The following CELA3B variants were observed in gnomAD, a reference collection of about 807,000 sequenced individuals.
The protein encoded by CELA3B is chymotrypsin-like elastase family member 3B.
In CELA3B, 34 loss-of-function variants were observed where a neutral mutation model predicts 37.2. The observed-to-expected ratio is 0.91, with a 90% confidence interval of 0.70 to 1.22. The LOEUF is 1.22. CELA3B is among the 50% of genes most tolerant of loss of function. The pLI is 0.00. For missense variants in CELA3B, 340 were observed against 363.1 expected (o/e 0.94, Z 0.52); for synonymous variants, 127 against 143.5 (o/e 0.89, Z 0.82).
chr1:21,992,197 G>A (rs1644871706), downstream of CELA3B, among the ~76,000 whole-genome samples: 2 of 151,522 alleles, frequency 1.3e-5, 1 homozygote, highest in Admixed American at 1.3e-4. Flanking sequence ...TATGTTACAT[G>A]TGTCCCATGT....
rs1187516208 is a variant in CELA3B, at chr1:21,996,073, C to T, written c.505-2078C>T. ...TACACAAATACAAAAATTAGCCGGG[C>T]GTGGTGGCACATGCCTGTAGTTCCA... On this transcript the variant is annotated intron_variant, in intron 4 of 4. Coordinates refer to the CELA3B transcript ENST00000400277. 4.0e-5 allele frequency among the ~76,000 whole-genome samples: 6 copies of T among 150,970 alleles called. No homozygotes were observed. The East Asian group carries it at 7.8e-4, about 20-fold the overall frequency.
chr1:21,989,104 C>T (rs566484519), intron 7 of CELA3B, among the ~76,000 whole-genome samples, 158 bp from the exon 8 acceptor site: 1 of 152,066 alleles, frequency 6.6e-6, no homozygotes, highest in Non-Finnish European at 1.5e-5. Flanking sequence ...TAAGTTCTAT[C>T]ATTATCCCTA....
intron 4 of CELA3B, among the ~76,000 whole-genome samples, chr1:21,982,704 G>T (rs1289095150): frequency 1.3e-5 from 2 of 152,120 alleles, no homozygotes; most frequent in Admixed American, 6.6e-5. Context: ...TTGAGACTGA[G>T]TCTCGCTCTG....
In CELA3B at chr1:21,998,162, C is replaced by A. The variant is rs1188361516; in HGVS notation, c.516C>A (p.Gly172=). Residue 172 remains glycine (G), a synonymous_variant, in exon 5 of 5, where the codon GGC becomes GGA. Transcript: ENST00000400277. ...TCTTATTTTCACAGAAACTACAGGGCAACAAGGCACCAGAGTCCCGGACTT... is the reference window on the plus strand; with the variant it reads ...TCTTATTTTCACAGAAACTACAGGGAAACAAGGCACCAGAGTCCCGGACTT... 2 of 470,278 alleles carry A rather than the reference C, an allele frequency of 4.3e-6. 1 individual carries two copies. Among genetic ancestry groups the A allele is most frequent in the East Asian group, 1.4e-4 (2 of 14,318 alleles). The allele number at this position is 470,278 out of a possible 1,614,324, so 29.1% of individuals were successfully genotyped here. A position where few individuals can be genotyped will look rare whatever the true frequency, so the allele number is the denominator to read the frequency against.
At chr1:21,978,139 A>G (rs936359528) in intron 1 of CELA3B, among the ~76,000 whole-genome samples, 7 of 141,642 alleles carry the variant, frequency 4.9e-5, no homozygotes, top group African/African-American at 1.9e-4. Flanking sequence ...CAATCCTCCC[A>G]ATGAAGGAGG....
At chr1:21,977,662 C>T (rs536591427) in intron 1 of CELA3B, among the ~76,000 whole-genome samples, 9 of 152,272 alleles carry the variant, frequency 5.9e-5, no homozygotes, top group Non-Finnish European at 1.0e-4. Context: ...CCCATTTTAC[C>T]GACCCTCAAG....
Position 21,980,926 on chromosome 1 carries a change from G to A in CELA3B, c.227+5G>A. ...GACTGCCGGCCACTGCATCTCGTGAGTTCTCTACCCTGTCCCTGCCTGTGG... is the reference window on the plus strand; with the variant it reads ...GACTGCCGGCCACTGCATCTCGTGAATTCTCTACCCTGTCCCTGCCTGTGG... On this transcript the variant is annotated splice_donor_5th_base_variant and intron_variant, in intron 3 of 7. Transcript: ENST00000337107. 1 of 1,613,902 alleles carries A rather than the reference G, an allele frequency of 6.2e-7. No individual in the cohort carries two copies. Among genetic ancestry groups the A allele is most frequent in the East Asian group, 2.2e-5 (1 of 44,856 alleles).
chr1:21,987,781 A>G (rs1644847958), intron 7 of CELA3B: 1 of 150,348 alleles, frequency 6.7e-6, no homozygotes, highest in Non-Finnish European at 1.5e-5. Context: ...TCTCTCTTAA[A>G]AAAATGAAAA....
chr1:21,978,972 A>G (rs1282225493), intron 2 of CELA3B, among the ~76,000 whole-genome samples: 1 of 151,034 alleles, frequency 6.6e-6, no homozygotes, highest in African/African-American at 2.4e-5. Context: ...CCTTGGACCC[A>G]GGAGGTGGAG....
At chr1:21,984,474 G>C (rs550904827) in intron 6 of CELA3B, 143 bp downstream of exon 6, 8 of 1,173,888 alleles carry the variant, frequency 6.8e-6, no homozygotes, top group African/African-American at 6.1e-5. Flanking sequence ...GGAAATCAGC[G>C]CAGTCCAGAC....
In CELA3B at chr1:21,983,781, C is replaced by T. The variant is rs1489727733; in HGVS notation, c.450C>T (p.Ile150=). ...CCTCACTCCCTCCGGCTGGTGACAT[C>T]CTTCCCAACGAGACACCCTGCTACA... is the stretch of plus-strand genomic sequence containing the variant. ...QLASLPPAGD[I]LPNETPCYIT... Residue 150 remains isoleucine (I), a synonymous_variant, in exon 5 of 8, where the codon ATC becomes ATT. Transcript: ENST00000337107. 6.2e-7 allele frequency: 1 copy of T among 1,614,158 alleles called. No individual in the cohort carries two copies. The highest frequency in any genetic ancestry group is 2.2e-5 in the East Asian group (1 of 44,880).
At chr1:21,979,165 C>A (rs556244770) in intron 2 of CELA3B, among the ~76,000 whole-genome samples, 1 of 150,922 alleles carries the variant, frequency 6.6e-6, no homozygotes, top group African/African-American at 2.4e-5. Flanking sequence ...CTCTGCCACC[C>A]GGGTTCAAGC....
At position 21,984,197 on chromosome 1, in the gene CELA3B, C is replaced by T; in HGVS notation, c.508C>T (p.Pro170Ser). 2 of 1,613,362 alleles carry T rather than the reference C, an allele frequency of 1.2e-6. No individual in the cohort carries two copies. Among genetic ancestry groups the T allele is most frequent in the Non-Finnish European group, 1.7e-6 (2 of 1,179,540 alleles). Residue 170 changes from proline (P) to serine (S), a missense_variant, in exon 6 of 8, where the codon CCA (proline) becomes TCA (serine). Pro to Ser is a moderately conservative substitution (Grantham distance 74). Coordinates refer to ENST00000337107, the MANE Select transcript of CELA3B (RefSeq NM_007352.4). ...GCTTTTTATCGCTGCAGCCAACGGG[C>T]CACTCCCAGACAAGCTGCAGGAGGC... is the stretch of plus-strand genomic sequence containing the variant. Reference protein sequence around the residue: ...TGWGRLYTNGPLPDKLQEALL... With the variant: ...TGWGRLYTNGSLPDKLQEALL...
At chr1:21,995,967 A>G (rs1412611641) in intron 4 of CELA3B, among the ~76,000 whole-genome samples, 3 of 149,772 alleles carry the variant, frequency 2.0e-5, no homozygotes, top group South Asian at 2.1e-4. Context: ...TAATCCCAGC[A>G]CTTTGGGAGG....
exon 5 of CELA3B, chr1:21,998,176 A>T (rs1315905441): frequency 2.1e-6 from 1 of 470,402 alleles, no homozygotes; most frequent in Admixed American, 2.4e-5. Context: ...AAGGCACCAG[A>T]GTCCCGGACT....
chr1:21,986,653 A>G lies in CELA3B; in HGVS notation c.765A>G (p.Arg255=). The change falls in exon 7 of 8, where the codon CGA becomes CGG. Residue 255 remains arginine, a synonymous_variant. Coordinates refer to ENST00000337107, the MANE Select transcript of CELA3B (RefSeq NM_007352.4). ...GCAGGAAGCCCACGGTGTTCACTCGAGTCTCCGCCTTCATTGACTGGATTG... is the reference window on the plus strand; with the variant it reads ...GCAGGAAGCCCACGGTGTTCACTCGGGTCTCCGCCTTCATTGACTGGATTG... ...NTRRKPTVFT[R]VSAFIDWIEE... is the part of the protein sequence containing the mutation. 1 of 1,613,840 alleles carries G rather than the reference A, an allele frequency of 6.2e-7. No homozygotes were observed. The highest frequency in any genetic ancestry group is 8.5e-7 in the Non-Finnish European group (1 of 1,179,982).
At chr1:21,979,125 T>G (rs1407959567) in intron 2 of CELA3B, among the ~76,000 whole-genome samples, 1 of 151,838 alleles carries the variant, frequency 6.6e-6, no homozygotes, top group Non-Finnish European at 1.5e-5. Flanking sequence ...CAGGCTGAAG[T>G]GCAATGGCAC....
At chr1:21,987,115 A>G (rs1361232003) in intron 7 of CELA3B, 28 of 304,946 alleles carry the variant, frequency 9.2e-5, no homozygotes, top group South Asian at 1.7e-4. Flanking sequence ...GACTAATAAC[A>G]CTCCTGATAA....
In CELA3B at chr1:21,983,754, C is replaced by T. The variant is rs1009106982; in HGVS notation, c.423C>T (p.Leu141=). 3 of 1,613,996 alleles carry T rather than the reference C, an allele frequency of 1.9e-6. No homozygotes were observed. Among genetic ancestry groups the T allele is most frequent in the Admixed American group, 1.7e-5 (1 of 59,988 alleles). Residue 141 remains leucine (L), a synonymous_variant, in exon 5 of 8, where the codon CTC becomes CTT. Coordinates refer to ENST00000337107, the MANE Select transcript of CELA3B (RefSeq NM_007352.4). ...CCCAGCTGGGAGACGCCGTCCAGCT[C>T]GCCTCACTCCCTCCGGCTGGTGACA... The part of the protein sequence containing the change: ...RSAQLGDAVQ[L]ASLPPAGDIL...
Sources: allele counts gnomAD v4.1 joint callset (sites outside exome capture counted in the v4.1 genomes callset), GRCh38; gene constraint gnomAD v4.1.1; transcripts MANE v1.5; gene names NCBI Gene and HGNC (gene_info 2026-07-23, HGNC 2026-07-21).